The following CCSER1 variants were observed in gnomAD, a reference collection of about 807,000 sequenced individuals.
CCSER1 encodes the protein serine-rich coiled-coil domain-containing protein 1.
Under a neutral mutation model 82.0 loss-of-function variants are expected in CCSER1, and 41 were observed. The observed-to-expected ratio is 0.50, with a 90% confidence interval of 0.39 to 0.65. The LOEUF is 0.65. Among genes scored for constraint, CCSER1 ranks in the 30% least tolerant of loss-of-function variants. CCSER1 has a pLI of 0.00. For missense variants in CCSER1, 1,119 were observed against 1,064.2 expected (o/e 1.05, Z -0.72); for synonymous variants, 414 against 383.9 (o/e 1.08, Z -0.92).
intron 8 of CCSER1, chr4:90,838,835 C>G (rs1045879074): frequency 8.8e-6 from 14 of 1,597,494 alleles, no homozygotes; most frequent in Admixed American, 3.3e-5. Flanking sequence ...AGTTAAACAG[C>G]TAAAAGAAGT....
intron 1 of CCSER1, among the ~76,000 whole-genome samples, chr4:90,176,858 C>T (rs567032894): frequency 6.6e-6 from 1 of 152,042 alleles, no homozygotes; most frequent in Non-Finnish European, 1.5e-5. Flanking sequence ...GTAGTTTAGA[C>T]ATCTGTGTTA....
At chr4:91,380,446 A>G (rs182164301) in intron 10 of CCSER1, among the ~76,000 whole-genome samples, 3 of 152,246 alleles carry the variant, frequency 2.0e-5, no homozygotes, top group East Asian at 3.9e-4. Context: ...TTGGGTGCAT[A>G]TATATTTAGG....
Position 90,416,344 on chromosome 4 carries a change from AT to A in CCSER1, c.1603+16216del, listed in dbSNP as rs1444313680. Among the ~76,000 whole-genome samples, 11 of 152,308 alleles carry A rather than the reference AT, an allele frequency of 7.2e-5. No individual in the cohort carries two copies. In the East Asian group the frequency reaches 2.1e-3, roughly 29 times the overall value. ...AACTCTGAGAGAAAATTGCACCTTA[AT>A]GATTCATTCAAAATAAAGAAACTAC... On this transcript the variant is annotated intron_variant, in intron 4 of 10. Coordinates refer to ENST00000509176, the MANE Select transcript of CCSER1 (RefSeq NM_001145065.2).
intron 5 of CCSER1, among the ~76,000 whole-genome samples, chr4:90,519,637 A>G (rs1772808076): frequency 6.6e-6 from 1 of 152,012 alleles, no homozygotes; most frequent in African/African-American, 2.4e-5. Flanking sequence ...AACATTGAGA[A>G]AAATAATGTA....
chr4:90,598,802 G>C (rs1189051337), intron 5 of CCSER1, among the ~76,000 whole-genome samples: 1 of 152,130 alleles, frequency 6.6e-6, no homozygotes, highest in Non-Finnish European at 1.5e-5. Context: ...GTAGTCAGGG[G>C]ACAGGGTAGA....
At chr4:90,699,163 C>T (rs1456188262) in intron 6 of CCSER1, among the ~76,000 whole-genome samples, 2 of 152,188 alleles carry the variant, frequency 1.3e-5, no homozygotes, top group African/African-American at 4.8e-5. Context: ...GACTTCAATG[C>T]AAAAGTGTGG....
At chr4:91,285,447 A>C (rs181856718) in intron 10 of CCSER1, among the ~76,000 whole-genome samples, 1 of 151,990 alleles carries the variant, frequency 6.6e-6, no homozygotes, top group East Asian at 1.9e-4. Flanking sequence ...TATTATCCTT[A>C]ATTTGAATTA....
chr4:90,581,940 T>C (rs1349489162), intron 5 of CCSER1, among the ~76,000 whole-genome samples: 1 of 152,006 alleles, frequency 6.6e-6, no homozygotes, highest in Non-Finnish European at 1.5e-5. Flanking sequence ...ATTACTTTGA[T>C]AGGACCAAGC....
chr4:90,866,921 C>T (rs974968627), intron 8 of CCSER1, among the ~76,000 whole-genome samples: 1 of 152,014 alleles, frequency 6.6e-6, no homozygotes, highest in African/African-American at 2.4e-5. Context: ...AATGCCACCA[C>T]TGATTTGACA....
At chr4:90,424,348 GA>G in intron 4 of CCSER1, among the ~76,000 whole-genome samples, 1 of 152,196 alleles carries the variant, frequency 6.6e-6, no homozygotes, top group Non-Finnish European at 1.5e-5. Context: ...AAAGAATTGT[GA>G]ACAGCCTCCA....
intron 9 of CCSER1, among the ~76,000 whole-genome samples, chr4:90,935,608 G>A (rs1054303685): frequency 6.6e-6 from 1 of 152,050 alleles, no homozygotes; most frequent in African/African-American, 2.4e-5. Context: ...CTCAATAAAG[G>A]GAATGGTTTC....
At chr4:90,956,878 C>A (rs1260087565) in intron 9 of CCSER1, among the ~76,000 whole-genome samples, 1 of 147,958 alleles carries the variant, frequency 6.8e-6, no homozygotes, top group East Asian at 2.0e-4. Flanking sequence ...CTCAAGCATT[C>A]CTCCTGCATC....
intron 10 of CCSER1, among the ~76,000 whole-genome samples, chr4:91,146,580 C>CTTTT (rs1553901648): frequency 6.7e-6 from 1 of 149,476 alleles, no homozygotes. Flanking sequence ...TTATCTTCTT[C>CTTTT]TTTTTTTTTT....
At chr4:90,532,003 GTATA>G (rs374729389) in intron 5 of CCSER1, among the ~76,000 whole-genome samples, 1 of 150,948 alleles carries the variant, frequency 6.6e-6, no homozygotes, top group Non-Finnish European at 1.5e-5. Context: ...GATTTTAAGA[GTATA>G]TATATATATA....
At chr4:91,413,330 C>G (rs1053655553) in intron 10 of CCSER1, among the ~76,000 whole-genome samples, 1 of 151,976 alleles carries the variant, frequency 6.6e-6, no homozygotes, top group African/African-American at 2.4e-5. Context: ...TTTGGTGGCA[C>G]ACACCTGTAG....
chr4:90,838,936 C>G, intron 8 of CCSER1: 1 of 1,613,408 alleles, frequency 6.2e-7, no homozygotes, highest in South Asian at 1.1e-5. Flanking sequence ...CCTGTTCAAT[C>G]GTTTCTTTGG....
chr4:91,462,538 T>A (rs1201584467), intron 10 of CCSER1, among the ~76,000 whole-genome samples: 1 of 149,032 alleles, frequency 6.7e-6, no homozygotes, highest in Non-Finnish European at 1.5e-5. Context: ...GCCCACCGAG[T>A]GTGAGCCAAA....
intron 9 of CCSER1, among the ~76,000 whole-genome samples, chr4:90,962,081 C>T (rs1734104780): frequency 6.6e-6 from 1 of 151,930 alleles, no homozygotes; most frequent in Admixed American, 6.6e-5. Flanking sequence ...AAATATTTAT[C>T]CCCATTTGAG....
At chr4:91,052,618 T>C (rs1450507069) in intron 9 of CCSER1, among the ~76,000 whole-genome samples, 1 of 152,116 alleles carries the variant, frequency 6.6e-6, no homozygotes. Flanking sequence ...CTAGAGATAA[T>C]ATTTAAAGGA....
Sources: allele counts gnomAD v4.1 joint callset (sites outside exome capture counted in the v4.1 genomes callset), GRCh38; gene constraint gnomAD v4.1.1; transcripts MANE v1.5; gene names NCBI Gene and HGNC (gene_info 2026-07-23, HGNC 2026-07-21).